The following CDADC1 variants were observed in gnomAD, a reference collection of about 807,000 sequenced individuals.
CDADC1 encodes the protein cytidine and dCMP deaminase domain containing 1, also known as dCTP deaminase.
In CDADC1, 39 loss-of-function variants were observed where a neutral mutation model predicts 54.9. The observed-to-expected ratio is 0.71, with a 90% CI of 0.55 to 0.93. The LOEUF (loss-of-function observed/expected upper bound fraction) is 0.93, where lower values mean the gene tolerates loss of function less well. Ranked by LOEUF, CDADC1 falls within the 40% of genes least tolerant of loss-of-function variation. CDADC1 has a pLI of 0.00. For synonymous variants in CDADC1, 186 were observed against 204.0 expected (o/e 0.91, Z 0.75); for missense variants, 518 against 618.8 (o/e 0.84, Z 1.73).
intron 8 of CDADC1, among the ~76,000 whole-genome samples, chr13:49,281,599 C>T (rs1463559459): frequency 6.6e-6 from 1 of 152,132 alleles, no homozygotes; most frequent in Non-Finnish European, 1.5e-5. Context: ...GTAATGCTCG[C>T]TCGCCTGCAC....
intron 2 of CDADC1, among the ~76,000 whole-genome samples, chr13:49,254,510 C>A (rs1347058366): frequency 1.3e-5 from 2 of 151,222 alleles, no homozygotes. Flanking sequence ...TCAAGCAATT[C>A]TCCTGCCTCA....
Position 49,248,885 on chromosome 13 carries a change from C to T in CDADC1, c.97C>T (p.Leu33Phe), listed in dbSNP as rs776126999. The T allele has an allele frequency of 1.2e-6, 2 of 1,605,756 alleles. No individual in the cohort carries two copies. Among genetic ancestry groups the T allele is most frequent in the African/African-American group, 2.7e-5 (2 of 74,896 alleles). ...TGSMTGQIPR[L>F]SKVNLFTLLS... ...CTCTTTTGTAGGTCAGATACCAAGG[C>T]TTTCTAAAGTCAACCTTTTCACTCT... Residue 33 changes from leucine to phenylalanine, a missense_variant, in exon 2 of 10, where the codon CTT becomes TTT. By Grantham distance (22) the Leu-to-Phe change is conservative (BLOSUM62 0). Transcript: ENST00000251108.
At chr13:49,267,290 T>G (rs1381314236) in intron 4 of CDADC1, among the ~76,000 whole-genome samples, 200 bp from the exon 5 acceptor site, 3 of 152,222 alleles carry the variant, frequency 2.0e-5, no homozygotes, top group Non-Finnish European at 4.4e-5. Context: ...ACCTGTGAGC[T>G]GTACAAAGAC....
At chr13:49,248,820 CT>C in intron 1 of CDADC1, 50 bp from the exon 2 acceptor site, 11 of 1,223,646 alleles carry the variant, frequency 9.0e-6, no homozygotes, top group South Asian at 2.4e-5. Context: ...GATTGGCTCC[CT>C]TTTTCACCAT....
chr13:49,290,236 G>A (rs2038759), intron 9 of CDADC1, among the ~76,000 whole-genome samples: 44,707 of 151,382 alleles, frequency 0.3, 6,727 homozygotes, highest in East Asian at 0.5. Context: ...TGTTGGATTC[G>A]GCAGTATGTT....
chr13:49,283,080 A>G (rs541237597), intron 8 of CDADC1, among the ~76,000 whole-genome samples: 2 of 152,362 alleles, frequency 1.3e-5, no homozygotes, highest in South Asian at 2.1e-4. Context: ...GAAAAATGAT[A>G]TAAAAGAACC....
intron 7 of CDADC1, 41 bp from the exon 8 acceptor site, chr13:49,280,468 T>A (rs774822184): frequency 1.8e-6 from 2 of 1,126,264 alleles, no homozygotes; most frequent in Non-Finnish European, 2.4e-6. Flanking sequence ...ACTTACCCTT[T>A]CAGAAACGAC....
Position 49,267,500 on chromosome 13 carries a change from C to T in CDADC1, c.441C>T (p.Asn147=). Residue 147 remains asparagine, a synonymous_variant, in exon 5 of 10, where the codon AAC becomes AAT. Coordinates refer to ENST00000251108, the MANE Select transcript of CDADC1 (RefSeq NM_030911.4). The part of the protein sequence containing the change: ...CLKMIVNAGV[N]RISYWPADPE... ...TATTTTGTATTTCAGCTGGAGTTAA[C>T]CGAATTTCATACTGGCCTGCTGATC... 6.2e-7 allele frequency: 1 copy of T among 1,609,664 alleles called. No individual in the cohort carries two copies. Among genetic ancestry groups the T allele is most frequent in the Non-Finnish European group, 8.5e-7 (1 of 1,177,602 alleles).
chr13:49,286,532 T>C (rs190608705), intron 9 of CDADC1, among the ~76,000 whole-genome samples: 39 of 152,328 alleles, frequency 2.6e-4, no homozygotes, highest in Non-Finnish European at 4.9e-4. Context: ...ACAAATTGAC[T>C]TTATAAATTA....
At chr13:49,284,760 T>TC (rs899275416) in intron 8 of CDADC1, among the ~76,000 whole-genome samples, 2 of 152,168 alleles carry the variant, frequency 1.3e-5, no homozygotes, top group Non-Finnish European at 2.9e-5. Context: ...CTGTATCTCA[T>TC]CCCCCCTCAA....
chr13:49,265,644 A>C (rs1314053524), intron 4 of CDADC1, among the ~76,000 whole-genome samples: 1 of 152,074 alleles, frequency 6.6e-6, no homozygotes, highest in Admixed American at 6.5e-5. Context: ...TTAATGTATA[A>C]CAGATTATTG....
intron 4 of CDADC1, among the ~76,000 whole-genome samples, chr13:49,260,607 C>T (rs185506584): frequency 1.3e-5 from 2 of 152,294 alleles, no homozygotes; most frequent in Admixed American, 6.5e-5. Flanking sequence ...TATAGCCATC[C>T]GTCCACACCA....
intron 2 of CDADC1, among the ~76,000 whole-genome samples, chr13:49,250,913 C>A (rs2138189805): frequency 6.6e-6 from 1 of 152,212 alleles, no homozygotes; most frequent in African/African-American, 2.4e-5. Context: ...TTATTAACGG[C>A]TGAGAAAGCT....
In CDADC1 at chr13:49,247,946, T is replaced by G; in HGVS notation, c.-92T>G. 1 of 1,175,592 alleles carries G rather than the reference T, an allele frequency of 8.5e-7. No homozygotes were observed. Among genetic ancestry groups the G allele is most frequent in the Non-Finnish European group, 1.2e-6 (1 of 806,998 alleles). 72.8% of individuals were successfully genotyped at this position (1,175,592 alleles called of 1,614,324 possible). ...GCCTAGTGGGCCGTTGCCTTACAGT[T>G]GCTGAGAGGAGGCGAGAGGCGGGGG... On this transcript the variant is annotated 5_prime_UTR_variant, in exon 1 of 10. Transcript: ENST00000251108.
intron 4 of CDADC1, among the ~76,000 whole-genome samples, chr13:49,262,734 T>C (rs1952716528): frequency 6.6e-6 from 1 of 152,046 alleles, no homozygotes; most frequent in Non-Finnish European, 1.5e-5. Flanking sequence ...CTTCACCATG[T>C]TGGTCAGGCT....
chr13:49,255,709 A>C lies in CDADC1; in HGVS notation c.178-130A>C, dbSNP rs540490807. On this transcript the variant is annotated intron_variant, in intron 2 of 9. Transcript: ENST00000251108. The stretch of plus-strand genomic sequence containing the variant: ...CTTGATCCAAACAAAGTGGGAAGTC[A>C]ATGTAGAGTTTCATCATGGAAAAAA... 8 of 1,063,998 alleles carry C rather than the reference A, an allele frequency of 7.5e-6. No individual in the cohort carries two copies. In the African/African-American group the frequency reaches 1.3e-4, roughly 17 times the overall value. 65.9% of individuals were successfully genotyped at this position (1,063,998 alleles called of 1,614,324 possible).
intron 4 of CDADC1, chr13:49,265,778 T>A: frequency 9.5e-7 from 1 of 1,054,838 alleles, no homozygotes; most frequent in Non-Finnish European, 1.3e-6. Flanking sequence ...TTAAGAGTGT[T>A]AAGGAATCCT....
chr13:49,248,081 C>G lies in CDADC1; in HGVS notation c.44C>G (p.Ala15Gly). 6.4e-7 allele frequency: 1 copy of G among 1,553,762 alleles called. No individual in the cohort carries two copies. Among genetic ancestry groups the G allele is most frequent in the Non-Finnish European group, 8.7e-7 (1 of 1,148,298 alleles). Residue 15 changes from alanine to glycine, a missense_variant, in exon 1 of 10, where the codon GCC becomes GGC. Physicochemically the swap from Ala to Gly is moderately conservative, Grantham distance 60. Transcript: ENST00000251108. ...ATGCAAAATCTGGAGAGCGCGAGGGCCGGGCGGTCAGTCAGCACCCAGACT... is the reference window on the plus strand; with the variant it reads ...ATGCAAAATCTGGAGAGCGCGAGGGGCGGGCGGTCAGTCAGCACCCAGACT... Reference protein sequence around the residue: ...GQMQNLESARAGRSVSTQTGS... With the variant: ...GQMQNLESARGGRSVSTQTGS...
chr13:49,286,158 A>G (rs533551455), intron 8 of CDADC1, 64 bp from the exon 9 acceptor site: 11 of 1,264,704 alleles, frequency 8.7e-6, no homozygotes, highest in African/African-American at 4.5e-5. Flanking sequence ...TTTAAAATCA[A>G]TGTGCTGGAA....
Sources: gnomAD v4.1 joint callset for allele counts (sites outside exome capture counted in the v4.1 genomes callset) on GRCh38, gnomAD v4.1.1 for gene constraint, MANE v1.5 for transcripts, NCBI Gene and HGNC (gene_info 2026-07-23, HGNC 2026-07-21) for gene names.